DOCK1: variants seen among roughly 807,000 people sequenced by gnomAD.
DOCK1 encodes the protein dedicator of cytokinesis 1.
In DOCK1, 138 loss-of-function variants were observed where a neutral mutation model predicts 262.7. The ratio of observed to expected loss-of-function variants is 0.53; its 90% CI spans 0.46 to 0.61. The LOEUF is 0.61. Among genes scored for constraint, DOCK1 ranks in the 20% least tolerant of loss-of-function variants. DOCK1 has a pLI of 0.00. For missense variants in DOCK1, 1,908 were observed against 2,370.7 expected (o/e 0.80, Z 4.05); for synonymous variants, 866 against 867.4 (o/e 1.00, Z 0.03).
chr10:127,304,546 C>A (rs1463666821), intron 29 of DOCK1, among the ~76,000 whole-genome samples: 2 of 152,030 alleles, frequency 1.3e-5, no homozygotes, highest in African/African-American at 4.8e-5. Context: ...AACGTGGAAG[C>A]TATTTTTATG....
intron 16 of DOCK1, among the ~76,000 whole-genome samples, chr10:127,028,855 G>T (rs956289906): frequency 1.3e-5 from 2 of 152,170 alleles, no homozygotes; most frequent in African/African-American, 4.8e-5. Flanking sequence ...GGGCATGGTG[G>T]GGGCCAGCCT....
At chr10:127,031,792 A>T in intron 17 of DOCK1, 39 bp downstream of exon 17, 1 of 1,568,892 alleles carries the variant, frequency 6.4e-7, no homozygotes, top group South Asian at 1.2e-5. Flanking sequence ...TGCTATAGAC[A>T]GTTTCAGTCT....
intron 27 of DOCK1, among the ~76,000 whole-genome samples, chr10:127,246,015 G>A (rs1349405034): frequency 6.6e-6 from 1 of 152,150 alleles, no homozygotes; most frequent in East Asian, 1.9e-4. Flanking sequence ...CCGGGTCAGC[G>A]ACTGCATCAG....
At chr10:127,294,480 C>T (rs1430117722) in intron 29 of DOCK1, among the ~76,000 whole-genome samples, 2 of 151,660 alleles carry the variant, frequency 1.3e-5, no homozygotes, top group African/African-American at 2.4e-5. Flanking sequence ...CGTCACCACG[C>T]CAGGCTGATT....
At position 127,327,169 on chromosome 10, in the gene DOCK1, G is replaced by A. The variant is rs553298612; in HGVS notation, c.3045-11837G>A. ...AAAGTCGCCAGCTGCCTTAGCCCCCGGCTATAGAGTCAGCCTGTCCTTTGA... is the reference window on the plus strand; with the variant it reads ...AAAGTCGCCAGCTGCCTTAGCCCCCAGCTATAGAGTCAGCCTGTCCTTTGA... On this transcript the variant is annotated intron_variant, in intron 29 of 51. Coordinates refer to ENST00000623213, the MANE Select transcript of DOCK1 (RefSeq NM_001290223.2). Among the ~76,000 whole-genome samples the A allele has an allele frequency of 9.4e-4, 143 of 152,182 alleles. 1 individual carries two copies. The highest frequency in any genetic ancestry group is 2.8e-4 in the Non-Finnish European group (19 of 68,034).
chr10:127,175,372 C>T lies in DOCK1; in HGVS notation c.2847+47608C>T, dbSNP rs778283590. The T allele has an allele frequency of 4.3e-6, 7 of 1,613,944 alleles. No homozygotes were observed. In the African/African-American group the frequency reaches 5.3e-5, roughly 12 times the overall value. ...ACGATTCGTTGGCATTCTTCACCTG[C>T]AGCAACCGCTGTGGGACTAGGCTGG... On this transcript the variant is annotated intron_variant, in intron 27 of 51. Coordinates refer to ENST00000623213, the MANE Select transcript of DOCK1 (RefSeq NM_001290223.2). The surrounding 1 kb of genome is among the most constrained non-coding windows in gnomAD (Gnocchi z 6.3).
chr10:126,936,010 T>C (rs2034536554), intron 1 of DOCK1, among the ~76,000 whole-genome samples: 2 of 152,248 alleles, frequency 1.3e-5, no homozygotes, highest in Admixed American at 1.3e-4. Context: ...AGACAAGGCC[T>C]CACTTTGTCA....
At chr10:127,302,529 C>A (rs1447848842) in intron 29 of DOCK1, among the ~76,000 whole-genome samples, 1 of 152,186 alleles carries the variant, frequency 6.6e-6, no homozygotes, top group Non-Finnish European at 1.5e-5. Flanking sequence ...TTCCCCCACA[C>A]AATCCGTCAT....
At chr10:127,177,063 C>T (rs557231670) in intron 27 of DOCK1, 1 of 151,956 alleles carries the variant, frequency 6.6e-6, no homozygotes, top group Non-Finnish European at 1.5e-5. Flanking sequence ...CTAAAAGGAA[C>T]GTGGGTTTCC....
intron 47 of DOCK1, among the ~76,000 whole-genome samples, chr10:127,428,584 G>C (rs979233799): frequency 6.7e-6 from 1 of 148,396 alleles, no homozygotes; most frequent in Non-Finnish European, 1.5e-5. Context: ...TTGTGGTGTT[G>C]TGTGGATTGG....
At chr10:127,270,530 C>T (rs1214781435) in intron 29 of DOCK1, among the ~76,000 whole-genome samples, 3 of 151,832 alleles carry the variant, frequency 2.0e-5, no homozygotes. Context: ...GACTTTCCTC[C>T]CTCCCTCCCT....
At position 127,262,213 on chromosome 10, in the gene DOCK1, C is replaced by T. The variant is rs111266911; in HGVS notation, c.3044+4784C>T. ...GTACCCGTGCTCATCTGTGTGTGTG[C>T]GTGTGTGTGTGTGTGTACCCGTGCT... On this transcript the variant is annotated intron_variant, in intron 29 of 51. Coordinates refer to ENST00000623213, the MANE Select transcript of DOCK1 (RefSeq NM_001290223.2). Among the ~76,000 whole-genome samples the T allele has an allele frequency of 4.9e-4, 62 of 126,440 alleles. 1 individual carries two copies. Among genetic ancestry groups the T allele is most frequent in the African/African-American group, 1.1e-3 (35 of 32,906 alleles). The allele number at this position is 126,440 out of a possible 152,430, so 82.9% of individuals were successfully genotyped here.
intron 47 of DOCK1, among the ~76,000 whole-genome samples, chr10:127,430,604 C>T (rs1395303375): frequency 1.3e-5 from 2 of 151,598 alleles, no homozygotes; most frequent in Non-Finnish European, 2.9e-5. Flanking sequence ...TCTGCCCCAC[C>T]CCCCAGCCCC....
At chr10:127,423,926 A>G (rs759411058) in intron 46 of DOCK1, among the ~76,000 whole-genome samples, 1 of 151,970 alleles carries the variant, frequency 6.6e-6, no homozygotes, top group Non-Finnish European at 1.5e-5. Context: ...GCTCTGAGAA[A>G]CTCTTTAGGA....
intron 23 of DOCK1, among the ~76,000 whole-genome samples, chr10:127,071,489 TCTTCAGCA>T (rs1416637553): frequency 1.3e-5 from 2 of 152,248 alleles, no homozygotes; most frequent in African/African-American, 2.4e-5. Flanking sequence ...TTCCACCGTT[TCTTCAGCA>T]AACCAAGTAT....
At chr10:127,302,630 T>C (rs1160139038) in intron 29 of DOCK1, among the ~76,000 whole-genome samples, 3 of 152,164 alleles carry the variant, frequency 2.0e-5, no homozygotes, top group African/African-American at 4.8e-5. Flanking sequence ...AACAATTTTG[T>C]TTCCTAAATG....
At chr10:127,291,399 A>G (rs767223285) in intron 29 of DOCK1, among the ~76,000 whole-genome samples, 58 of 152,082 alleles carry the variant, frequency 3.8e-4, no homozygotes, top group Non-Finnish European at 7.2e-4. Context: ...CCAGACAGAG[A>G]TGTACACTAG....
intron 25 of DOCK1, among the ~76,000 whole-genome samples, chr10:127,120,594 C>T (rs983432066): frequency 2.0e-5 from 3 of 152,178 alleles, no homozygotes; most frequent in Admixed American, 2.0e-4. Context: ...GTGAAATTTT[C>T]ACCAGACACT....
At chr10:127,342,656 C>A (rs2063484110) in intron 30 of DOCK1, among the ~76,000 whole-genome samples, 1 of 152,154 alleles carries the variant, frequency 6.6e-6, no homozygotes, top group Admixed American at 6.5e-5. Context: ...AATGTTCACA[C>A]TTTATTTTTA....
Sources: allele counts gnomAD v4.1 joint callset (sites outside exome capture counted in the v4.1 genomes callset), GRCh38; gene constraint gnomAD v4.1.1; non-coding constraint Gnocchi (gnomAD v3.1); transcripts MANE v1.5; gene names NCBI Gene and HGNC (gene_info 2026-07-23, HGNC 2026-07-21).